CKAP2L: variants seen among roughly 807,000 people sequenced by gnomAD.
CKAP2L encodes cytoskeleton associated protein 2L, also known as cytoskeleton-associated protein 2-like.
In CKAP2L, 42 loss-of-function variants were observed where a neutral mutation model predicts 65.7. The ratio of observed to expected loss-of-function variants is 0.64; its 90% CI spans 0.50 to 0.83. The LOEUF (loss-of-function observed/expected upper bound fraction) is 0.83. Ranked by LOEUF, CKAP2L falls within the 40% of genes least tolerant of loss-of-function variation. The pLI is 0.00. For synonymous variants in CKAP2L, 325 were observed against 313.5 expected (o/e 1.04, Z -0.39); for missense variants, 908 against 871.0 (o/e 1.04, Z -0.53).
chr2:112,762,630 T>A, intron 1 of CKAP2L, 61 bp from the exon 2 acceptor site: 1 of 1,336,126 alleles, frequency 7.5e-7, no homozygotes, highest in Non-Finnish European at 1.1e-6. Context: ...ACCAGTTCAT[T>A]AATATTCTAA....
At chr2:112,742,298 G>A (rs1680030135) in intron 7 of CKAP2L, 1 of 696,002 alleles carries the variant, frequency 1.4e-6, no homozygotes, top group Non-Finnish European at 2.7e-6. Context: ...TCATCCAATT[G>A]AAGAGATTCC....
chr2:112,742,312 G>A (rs925102196), intron 7 of CKAP2L: 31 of 706,262 alleles, frequency 4.4e-5, no homozygotes, highest in Non-Finnish European at 7.1e-5. Context: ...AGATTCCTGA[G>A]ATAGCTATTT....
intron 5 of CKAP2L, among the ~76,000 whole-genome samples, chr2:112,751,295 T>C (rs1231869447): frequency 6.6e-6 from 1 of 152,178 alleles, no homozygotes; most frequent in Non-Finnish European, 1.5e-5. Context: ...CACAAAAATG[T>C]GAATAAAAGA....
In CKAP2L at chr2:112,757,001, A is replaced by G. The variant is rs1680561651; in HGVS notation, c.370T>C (p.Cys124Arg). The G allele has an allele frequency of 1.2e-6, 2 of 1,614,090 alleles. No homozygotes were observed. The highest frequency in any genetic ancestry group is 8.5e-7 in the Non-Finnish European group (1 of 1,180,040). ...CCTGTTGTGGACGATCCAGCTTCAC[A>G]CTGTTGAAAACTCTTGCTAGAAGGC... The part of the protein sequence containing the change: ...SKPSSKSFQQ[C>R]EAGSSTTGEL... The change falls in exon 4 of 9, where the codon TGT becomes CGT. Residue 124 changes from cysteine (C) to arginine (R), a missense_variant. Cys to Arg is a radical substitution (Grantham distance 180). Transcript: ENST00000302450.
rs1327551623 is a variant in CKAP2L at position 112,764,595 on chromosome 2, C to A, written c.4G>T (p.Val2Leu). Residue 2 changes from valine (V) to leucine (L), a missense_variant, in exon 1 of 9, where the codon GTG becomes TTG. Coordinates refer to ENST00000302450, the MANE Select transcript of CKAP2L (RefSeq NM_152515.5). M[V>L]GPGPTAAAAV... ...GCAGCAGCGGTAGGCCCGGGCCCCACCATGACTCTTCAGTGACAGTTTTTC... is the reference window on the plus strand; with the variant it reads ...GCAGCAGCGGTAGGCCCGGGCCCCAACATGACTCTTCAGTGACAGTTTTTC... 3 of 1,614,210 alleles carry A rather than the reference C, an allele frequency of 1.9e-6. No homozygotes were observed. Among genetic ancestry groups the A allele is most frequent in the South Asian group, 2.2e-5 (2 of 91,086 alleles).
intron 7 of CKAP2L, 135 bp from the exon 8 acceptor site, chr2:112,741,142 T>C: frequency 1.5e-6 from 1 of 662,406 alleles, no homozygotes; most frequent in South Asian, 1.9e-5. Flanking sequence ...GAATAGTGAT[T>C]GATTTGAAGT....
In CKAP2L at chr2:112,738,221, TTG is replaced by T. The variant is rs1192936689; in HGVS notation, c.*600_*601del. 2.6e-5 allele frequency: 4 copies of T among 152,250 alleles called. No individual in the cohort carries two copies. Among genetic ancestry groups the T allele is most frequent in the African/African-American group, 7.2e-5 (3 of 41,412 alleles). 9.4% of individuals were successfully genotyped at this position (152,250 alleles called of 1,614,324 possible). ...GCTAGACGACCATGCCAATTCAGGA[TTG>T]TGTTTCATCTGAGGAGACCTGGCAT... is the stretch of plus-strand genomic sequence containing the variant. On this transcript the variant is annotated 3_prime_UTR_variant, in exon 9 of 9. Coordinates refer to ENST00000302450, the MANE Select transcript of CKAP2L (RefSeq NM_152515.5).
In CKAP2L at chr2:112,756,249, G is replaced by C; in HGVS notation, c.1122C>G (p.Ala374=). The C allele has an allele frequency of 6.2e-7, 1 of 1,614,070 alleles. No individual in the cohort carries two copies. Among genetic ancestry groups the C allele is most frequent in the Admixed American group, 1.7e-5 (1 of 60,000 alleles). ...QTSCVLQKSK[A]ISQRPNLTVG... ...CTGTCAAATTAGGCCTCTGGCTTAT[G>C]GCTTTTGACTTTTGCAGTACACATG... The change falls in exon 4 of 9, where the codon GCC becomes GCG. Residue 374 remains alanine (A), a synonymous_variant. Transcript: ENST00000302450.
At position 112,736,906 on chromosome 2, in the gene CKAP2L, A is replaced by C. The variant is rs555534004; in HGVS notation, c.*1917T>G. On this transcript the variant is annotated 3_prime_UTR_variant, in exon 9 of 9. Coordinates refer to ENST00000302450, the MANE Select transcript of CKAP2L (RefSeq NM_152515.5). Reference sequence around the variant, plus strand: ...CACTGCCACAAACATGTGAGTGCAGATATCTTTATGAGGTGATGATTTCAT... The same window carrying C: ...CACTGCCACAAACATGTGAGTGCAGCTATCTTTATGAGGTGATGATTTCAT... The C allele has an allele frequency of 3.3e-5, 5 of 152,022 alleles. No individual in the cohort carries two copies. Among genetic ancestry groups the C allele is most frequent in the African/African-American group, 1.2e-4 (5 of 41,392 alleles). 9.4% of individuals were successfully genotyped at this position (152,022 alleles called of 1,614,324 possible). A position where few individuals can be genotyped will look rare whatever the true frequency, so the allele number is the denominator to read the frequency against.
At chr2:112,757,348 G>C (rs1435883473) in intron 3 of CKAP2L, 134 bp from the exon 4 acceptor site, 3 of 453,598 alleles carry the variant, frequency 6.6e-6, no homozygotes, top group Non-Finnish European at 3.7e-6. Context: ...TGAATCCTCA[G>C]AAAGTAAAGA....
At chr2:112,740,239 C>A (rs926797568) in intron 8 of CKAP2L, among the ~76,000 whole-genome samples, 2 of 152,052 alleles carry the variant, frequency 1.3e-5, no homozygotes, top group Non-Finnish European at 2.9e-5. Flanking sequence ...GGAAGAGATT[C>A]GGCTGTGCTT....
At chr2:112,762,285 G>A (rs1467974379) in intron 2 of CKAP2L, among the ~76,000 whole-genome samples, 1 of 152,208 alleles carries the variant, frequency 6.6e-6, no homozygotes, top group Non-Finnish European at 1.5e-5. Context: ...TTCCTTTGGA[G>A]ATTCACACAG....
rs549462309 is a variant in CKAP2L at position 112,736,563 on chromosome 2, A to T, written c.*2260T>A. 4.2e-4 allele frequency: 64 copies of T among 152,278 alleles called. No individual in the cohort carries two copies. The highest frequency in any genetic ancestry group is 1.5e-3 in the African/African-American group (64 of 41,564). 9.4% of individuals were successfully genotyped at this position (152,278 alleles called of 1,614,324 possible). ...CCCTATCTCTAGACTTGTTCATTTTATCTGCTATTTTGTATCCTTGGCCTG... is the reference window on the plus strand; with the variant it reads ...CCCTATCTCTAGACTTGTTCATTTTTTCTGCTATTTTGTATCCTTGGCCTG... On this transcript the variant is annotated 3_prime_UTR_variant, in exon 9 of 9. Transcript: ENST00000302450.
chr2:112,748,733 T>C (rs1341046823), intron 5 of CKAP2L, among the ~76,000 whole-genome samples: 1 of 152,072 alleles, frequency 6.6e-6, no homozygotes, highest in Non-Finnish European at 1.5e-5. Context: ...TAGTGGTGTG[T>C]ACCTGTAGTC....
chr2:112,757,888 C>CT (rs1358421580), intron 3 of CKAP2L, among the ~76,000 whole-genome samples: 1 of 152,166 alleles, frequency 6.6e-6, no homozygotes, highest in East Asian at 1.9e-4. Context: ...ACATAATGAA[C>CT]TTATGTTAGG....
chr2:112,755,163 A>G (rs1480836714), intron 4 of CKAP2L, among the ~76,000 whole-genome samples: 1 of 152,152 alleles, frequency 6.6e-6, no homozygotes, highest in Admixed American at 6.5e-5. Flanking sequence ...GCAGGTATAC[A>G]TATGTGCTTC....
In CKAP2L at chr2:112,738,876, G is replaced by T. The variant is rs76036957; in HGVS notation, c.2185C>A (p.Arg729Ser). 10 of 1,613,866 alleles carry T rather than the reference G, an allele frequency of 6.2e-6. No individual in the cohort carries two copies. In the Admixed American group the frequency reaches 6.7e-5, roughly 11 times the overall value. The change falls in exon 9 of 9, where the codon CGT becomes AGT. Residue 729 changes from arginine (R) to serine (S), a missense_variant. Arg to Ser is a moderately radical substitution (Grantham distance 110). Coordinates refer to ENST00000302450, the MANE Select transcript of CKAP2L (RefSeq NM_152515.5). ...GTTACAGGCAGCGCCTCATTTCTAC[G>T]GAATATAAAACATTTTGTTTCTTCC... ...EVEETKCFIF[R>S]RNEALPVTLG...
At chr2:112,752,191 A>G (rs1341530507) in intron 5 of CKAP2L, 76 bp downstream of exon 5, 3 of 1,026,228 alleles carry the variant, frequency 2.9e-6, no homozygotes, top group East Asian at 2.4e-5. Flanking sequence ...TATCTCTCCT[A>G]TATTATATTT....
Position 112,738,174 on chromosome 2 carries a change from A to T in CKAP2L, c.*649T>A, listed in dbSNP as rs1462109156. Reference sequence around the variant, plus strand: ...TGAAGTGTTTCTGAGTAACAAATGCAAAACTAGGTTTGAATATAAAAGCTA... The same window carrying T: ...TGAAGTGTTTCTGAGTAACAAATGCTAAACTAGGTTTGAATATAAAAGCTA... On this transcript the variant is annotated 3_prime_UTR_variant, in exon 9 of 9. Coordinates refer to ENST00000302450, the MANE Select transcript of CKAP2L (RefSeq NM_152515.5). 3.3e-5 allele frequency: 5 copies of T among 152,098 alleles called. No homozygotes were observed. The highest frequency in any genetic ancestry group is 1.2e-4 in the African/African-American group (5 of 41,372). 9.4% of individuals were successfully genotyped at this position (152,098 alleles called of 1,614,324 possible). A position where few individuals can be genotyped will look rare whatever the true frequency, so the allele number is the denominator to read the frequency against.
Sources: allele counts gnomAD v4.1 joint callset (sites outside exome capture counted in the v4.1 genomes callset), GRCh38; gene constraint gnomAD v4.1.1; transcripts MANE v1.5; gene names NCBI Gene and HGNC (gene_info 2026-07-23, HGNC 2026-07-21).